VPS50: variants seen among roughly 807,000 people sequenced by gnomAD.
VPS50 encodes syndetin.
VPS50 carries 70 observed loss-of-function variants against 139.7 expected under a neutral mutation model. The ratio of observed to expected loss-of-function variants is 0.50; its 90% CI spans 0.41 to 0.61. VPS50 has a LOEUF of 0.61. VPS50 is among the 20% of genes least tolerant of loss of function. The pLI is 0.00. For synonymous variants in VPS50, 365 were observed against 376.7 expected, an observed-to-expected ratio of 0.97 and a Z score of 0.36; for missense variants, 921 against 1,133.7, an observed-to-expected ratio of 0.81 and a Z score of 2.69.
chr7:93,357,373 A>G (rs1218075317), intron 27 of VPS50, among the ~76,000 whole-genome samples: 3 of 152,108 alleles, frequency 2.0e-5, no homozygotes, highest in African/African-American at 7.2e-5. Context: ...TTTCCCCAGC[A>G]GCAGCAGGGA....
At position 93,308,857 on chromosome 7, in the gene VPS50, C is replaced by A; in HGVS notation, c.1663C>A (p.Gln555Lys). 1 of 1,605,956 alleles carries A rather than the reference C, an allele frequency of 6.2e-7. No homozygotes were observed. Among genetic ancestry groups the A allele is most frequent in the South Asian group, 1.1e-5 (1 of 90,736 alleles). ...TGATGAACAAGAAAAGAGTGCCTAT[C>A]AAGAGTATGACAGTGACAGTGATGT... is the stretch of plus-strand genomic sequence containing the variant. ...ESDEQEKSAY[Q>K]EYDSDSDVPE... Residue 555 changes from glutamine to lysine, a missense_variant, in exon 19 of 28, where the codon CAA becomes AAA. Physicochemically the swap from Gln to Lys is moderately conservative, Grantham distance 53. This residue lies in a region of VPS50 where 744 missense variants were observed against 930.6 expected (regional missense o/e 0.80). Coordinates refer to ENST00000305866, the MANE Select transcript of VPS50 (RefSeq NM_017667.4).
intron 14 of VPS50, among the ~76,000 whole-genome samples, chr7:93,296,364 T>C (rs1796810131): frequency 6.6e-6 from 1 of 152,168 alleles, no homozygotes; most frequent in Non-Finnish European, 1.5e-5. Context: ...AATCTTATAG[T>C]TATTGAATAT....
At chr7:93,241,798 T>G (rs1169478366) in intron 2 of VPS50, among the ~76,000 whole-genome samples, 2 of 152,034 alleles carry the variant, frequency 1.3e-5, no homozygotes, top group Non-Finnish European at 2.9e-5. Context: ...TGTTCAGTAT[T>G]TTTTCACAAT....
chr7:93,353,523 A>T, intron 25 of VPS50, 117 bp from the exon 26 acceptor site: 4 of 1,149,534 alleles, frequency 3.5e-6, no homozygotes, highest in Admixed American at 2.3e-5. Context: ...ATCTTTTTTG[A>T]TTTTACTTGG....
At chr7:93,275,223 T>TTAGTTG (rs1211771634) in intron 11 of VPS50, among the ~76,000 whole-genome samples, 1 of 152,174 alleles carries the variant, frequency 6.6e-6, no homozygotes, top group African/African-American at 2.4e-5. Flanking sequence ...TTTGGGATAT[T>TTAGTTG]ACATAAACTT....
intron 16 of VPS50, among the ~76,000 whole-genome samples, chr7:93,299,701 T>C (rs1796920318): frequency 6.6e-6 from 1 of 152,128 alleles, no homozygotes; most frequent in African/African-American, 2.4e-5. Context: ...TGCATTCCAC[T>C]CTCTTTTTCT....
intron 23 of VPS50, among the ~76,000 whole-genome samples, chr7:93,345,858 C>T (rs1294860600): frequency 1.3e-5 from 2 of 152,120 alleles, no homozygotes; most frequent in Admixed American, 1.3e-4. Flanking sequence ...ATGACAAACC[C>T]ACAGCCAATA....
intron 2 of VPS50, among the ~76,000 whole-genome samples, chr7:93,242,239 C>G (rs1245655260): frequency 6.6e-6 from 1 of 151,500 alleles, no homozygotes; most frequent in Non-Finnish European, 1.5e-5. Context: ...AAGTTCTCTC[C>G]AAAAGTCAAA....
At chr7:93,280,584 C>T (rs1796294931) in intron 12 of VPS50, among the ~76,000 whole-genome samples, 1 of 152,108 alleles carries the variant, frequency 6.6e-6, no homozygotes, top group Non-Finnish European at 1.5e-5. Context: ...TTTAATTTAA[C>T]ACCTTTGTAG....
intron 1 of VPS50, among the ~76,000 whole-genome samples, chr7:93,234,850 C>T (rs1274089906): frequency 2.0e-5 from 3 of 151,728 alleles, no homozygotes; most frequent in Non-Finnish European, 4.4e-5. Context: ...GAGATCTGTT[C>T]TTCATCTTTC....
intron 9 of VPS50, among the ~76,000 whole-genome samples, chr7:93,261,234 C>G (rs1795661213): frequency 6.6e-6 from 1 of 152,156 alleles, no homozygotes; most frequent in African/African-American, 2.4e-5. Flanking sequence ...GAAAATAATT[C>G]AGGCAGTTTA....
intron 20 of VPS50, among the ~76,000 whole-genome samples, chr7:93,320,047 C>T (rs556702852): frequency 9.9e-5 from 15 of 151,808 alleles, no homozygotes; most frequent in Non-Finnish European, 2.2e-4. Context: ...TCTGAGTTTT[C>T]TTTGTGTGCC....
intron 21 of VPS50, among the ~76,000 whole-genome samples, chr7:93,328,229 C>A (rs1797838928): frequency 6.6e-6 from 1 of 152,306 alleles, no homozygotes; most frequent in Admixed American, 6.5e-5. Flanking sequence ...TTCTGGTTCA[C>A]ATTTTTTTGT....
intron 8 of VPS50, 153 bp from the exon 9 acceptor site, chr7:93,259,397 T>C: frequency 2.1e-6 from 1 of 475,672 alleles, no homozygotes; most frequent in South Asian, 4.3e-5. Context: ...GCCTCTTATA[T>C]TTTGTCACTT....
intron 21 of VPS50, 30 bp downstream of exon 21, chr7:93,323,762 T>A: frequency 7.9e-7 from 1 of 1,265,208 alleles, no homozygotes; most frequent in Non-Finnish European, 1.1e-6. Context: ...GAAAAAAATC[T>A]TTCTTTTAAA....
chr7:93,314,964 T>C (rs1203665654), intron 20 of VPS50, among the ~76,000 whole-genome samples: 1 of 152,084 alleles, frequency 6.6e-6, no homozygotes, highest in Admixed American at 6.5e-5. Flanking sequence ...TGGTTAAAAA[T>C]TAAAATACCC....
chr7:93,264,134 C>T (rs1303211383), intron 9 of VPS50, among the ~76,000 whole-genome samples: 1 of 152,086 alleles, frequency 6.6e-6, no homozygotes, highest in Non-Finnish European at 1.5e-5. Context: ...TAATGATGCA[C>T]CCAGTTGGTT....
At chr7:93,233,806 A>G (rs1794712762) in intron 1 of VPS50, among the ~76,000 whole-genome samples, 1 of 152,200 alleles carries the variant, frequency 6.6e-6, no homozygotes. Flanking sequence ...CTATTTCCAC[A>G]TCTTTAAAAT....
chr7:93,257,307 T>G, intron 5 of VPS50, 87 bp from the exon 6 acceptor site: 1 of 738,066 alleles, frequency 1.4e-6, no homozygotes. Context: ...TCTTTGCATC[T>G]GACTAGAGTT....
Sources: gnomAD v4.1 joint callset for allele counts (sites outside exome capture counted in the v4.1 genomes callset) on GRCh38, gnomAD v4.1.1 for gene constraint, gnomAD v4.1.1 regional missense constraint, MANE v1.5 for transcripts, NCBI Gene and HGNC (gene_info 2026-07-23, HGNC 2026-07-21) for gene names.